SLC10A7: variants seen among roughly 807,000 people sequenced by gnomAD.
The protein encoded by SLC10A7 is sodium/bile acid cotransporter 7.
SLC10A7 carries 29 observed loss-of-function variants against 43.2 expected under a neutral mutation model. The observed-to-expected ratio is 0.67, with a 90% CI of 0.50 to 0.92. The LOEUF (loss-of-function observed/expected upper bound fraction) is 0.92. Among genes scored for constraint, SLC10A7 ranks in the 40% least tolerant of loss-of-function variants. The pLI is 0.00. For synonymous variants in SLC10A7, 152 were observed against 144.8 expected, an observed-to-expected ratio of 1.05 and a Z score of -0.35; for missense variants, 295 against 403.2, an observed-to-expected ratio of 0.73 and a Z score of 2.30.
At chr4:146,334,610 A>G (rs1733752890) in intron 5 of SLC10A7, among the ~76,000 whole-genome samples, 2 of 152,110 alleles carry the variant, frequency 1.3e-5, no homozygotes, top group Admixed American at 1.3e-4. Context: ...AAAAGAGGCA[A>G]AAGGGGGTCA....
rs79029568 is a variant in SLC10A7, at chr4:146,291,703, C to T, written c.773+1226G>A. Among the ~76,000 whole-genome samples the T allele has an allele frequency of 1.1e-4, 16 of 152,190 alleles. No homozygotes were observed. In the East Asian group the frequency reaches 3.1e-3, roughly 29 times the overall value. On this transcript the variant is annotated intron_variant, in intron 9 of 11. Coordinates refer to ENST00000335472, the MANE Select transcript of SLC10A7 (RefSeq NM_001029998.6). Reference sequence around the variant, plus strand: ...TCTCCCACCAAGAACTCCCTCTTGGCATCTCTAACTGCTGAACAATTAGCC... The same window carrying T: ...TCTCCCACCAAGAACTCCCTCTTGGTATCTCTAACTGCTGAACAATTAGCC...
intron 7 of SLC10A7, among the ~76,000 whole-genome samples, chr4:146,299,520 C>G (rs1407088152): frequency 6.6e-6 from 1 of 152,154 alleles, no homozygotes; most frequent in Non-Finnish European, 1.5e-5. Flanking sequence ...GGGGAAAGGT[C>G]TTTCTGAGGA....
intron 5 of SLC10A7, among the ~76,000 whole-genome samples, chr4:146,401,988 C>T (rs1249564317): frequency 1.3e-5 from 2 of 152,140 alleles, no homozygotes; most frequent in African/African-American, 2.4e-5. Context: ...TATACCACCA[C>T]TACAAAAAAT....
chr4:146,482,439 CAG>C (rs1734558333), intron 4 of SLC10A7, among the ~76,000 whole-genome samples: 1 of 151,824 alleles, frequency 6.6e-6, no homozygotes, highest in African/African-American at 2.4e-5. Context: ...AATAATCAAA[CAG>C]AAATCTTGAA....
chr4:146,263,317 C>A (rs1365230756), intron 10 of SLC10A7, among the ~76,000 whole-genome samples: 1 of 152,144 alleles, frequency 6.6e-6, no homozygotes, highest in Non-Finnish European at 1.5e-5. Context: ...TTTCCTTTAC[C>A]AAGCTGTAAG....
At chr4:146,475,007 G>A (rs538700572) in intron 4 of SLC10A7, among the ~76,000 whole-genome samples, 1 of 152,198 alleles carries the variant, frequency 6.6e-6, no homozygotes, top group African/African-American at 2.4e-5. Context: ...TGATTCCTAA[G>A]AACTTTATCT....
At chr4:146,487,485 C>T (rs1329604956) in intron 4 of SLC10A7, among the ~76,000 whole-genome samples, 1 of 152,120 alleles carries the variant, frequency 6.6e-6, no homozygotes, top group Non-Finnish European at 1.5e-5. Context: ...GACAGTCATC[C>T]CTCAGAAAAA....
intron 5 of SLC10A7, among the ~76,000 whole-genome samples, chr4:146,357,932 CAG>C (rs1026630517): frequency 2.7e-5 from 4 of 148,910 alleles, no homozygotes; most frequent in South Asian, 2.1e-4. Context: ...GTCATCCTGA[CAG>C]AACTCCCATT....
intron 1 of SLC10A7, 68 bp downstream of exon 1, chr4:146,521,549 CT>C: frequency 7.3e-7 from 1 of 1,367,796 alleles, no homozygotes; most frequent in Non-Finnish European, 1.0e-6. Flanking sequence ...GTTGCCCCAC[CT>C]TTCCAAGACT....
chr4:146,451,942 T>G (rs1731638439), intron 4 of SLC10A7, among the ~76,000 whole-genome samples: 1 of 151,946 alleles, frequency 6.6e-6, no homozygotes, highest in Non-Finnish European at 1.5e-5. Flanking sequence ...CACTCTAATG[T>G]CACTGAGCCG....
At chr4:146,518,407 C>T (rs1738216494) in intron 1 of SLC10A7, among the ~76,000 whole-genome samples, 1 of 152,082 alleles carries the variant, frequency 6.6e-6, no homozygotes. Context: ...AGGCATAGAA[C>T]AGCCCCTCCA....
chr4:146,267,593 G>C (rs1179542491), intron 10 of SLC10A7, among the ~76,000 whole-genome samples: 1 of 152,128 alleles, frequency 6.6e-6, no homozygotes, highest in Non-Finnish European at 1.5e-5. Flanking sequence ...TTGCTTCCCT[G>C]TTTTTGTGTG....
chr4:146,258,089 G>C (rs891664107), intron 11 of SLC10A7, among the ~76,000 whole-genome samples: 5 of 152,284 alleles, frequency 3.3e-5, no homozygotes, highest in African/African-American at 9.6e-5. Flanking sequence ...GAATCACCTG[G>C]TTTACTTATT....
chr4:146,491,972 C>T (rs935651774), intron 4 of SLC10A7, among the ~76,000 whole-genome samples: 2 of 152,104 alleles, frequency 1.3e-5, no homozygotes, highest in African/African-American at 4.8e-5. Flanking sequence ...AATCCCAGCA[C>T]TTTGGGAGGC....
chr4:146,517,534 C>T (rs1191143950), intron 1 of SLC10A7, among the ~76,000 whole-genome samples: 1 of 152,082 alleles, frequency 6.6e-6, no homozygotes, highest in Non-Finnish European at 1.5e-5. Flanking sequence ...CTTTAGATAT[C>T]AGTGTCACCC....
chr4:146,461,878 T>C (rs1203176917), intron 4 of SLC10A7, among the ~76,000 whole-genome samples: 1 of 150,846 alleles, frequency 6.6e-6, no homozygotes, highest in African/African-American at 2.4e-5. Flanking sequence ...CAATTATTTT[T>C]GCAAAAATAA....
At chr4:146,286,046 T>G in intron 9 of SLC10A7, among the ~76,000 whole-genome samples, 1 of 130,874 alleles carries the variant, frequency 7.6e-6, no homozygotes, top group African/African-American at 3.0e-5. Flanking sequence ...GTGTTTGGAG[T>G]GGTGAAAAGG....
Position 146,256,399 on chromosome 4 carries a change from T to G in SLC10A7, c.*92A>C. The G allele has an allele frequency of 1.6e-6, 2 of 1,231,142 alleles. No individual in the cohort carries two copies. Among genetic ancestry groups the G allele is most frequent in the South Asian group, 1.3e-5 (1 of 77,916 alleles). 76.3% of individuals were successfully genotyped at this position (1,231,142 alleles called of 1,614,324 possible). On this transcript the variant is annotated 3_prime_UTR_variant, in exon 12 of 12. Transcript: ENST00000335472. ...TTGTGTAAAAAAATAAAATATGCAT[T>G]GAGGCAACATTCACAAGTACAAGTC...
chr4:146,368,811 C>A (rs1736568195), intron 5 of SLC10A7, among the ~76,000 whole-genome samples: 1 of 152,150 alleles, frequency 6.6e-6, no homozygotes. Flanking sequence ...TCGTAAAAGA[C>A]AACTCCTACT....
Sources: allele counts gnomAD v4.1 joint callset (sites outside exome capture counted in the v4.1 genomes callset), GRCh38; gene constraint gnomAD v4.1.1; transcripts MANE v1.5; gene names NCBI Gene and HGNC (gene_info 2026-07-23, HGNC 2026-07-21).